CTTNBP2: variants seen among roughly 807,000 people sequenced by gnomAD.
CTTNBP2 encodes the protein cortactin binding protein 2.
In CTTNBP2, 108 loss-of-function variants were observed where a neutral mutation model predicts 156.9. The ratio of observed to expected loss-of-function variants is 0.69; its 90% CI spans 0.59 to 0.81. The LOEUF (loss-of-function observed/expected upper bound fraction) is 0.81, where lower values mean the gene tolerates loss of function less well. Ranked by LOEUF, CTTNBP2 falls within the 30% of genes least tolerant of loss-of-function variation. The probability of loss-of-function intolerance (pLI) is 0.00; values close to 1 mark genes in which losing one functional copy is unlikely to be tolerated. For missense variants in CTTNBP2, 1,924 were observed against 2,035.4 expected, an observed-to-expected ratio of 0.95 and a Z score of 1.05; for synonymous variants, 767 against 751.8, an observed-to-expected ratio of 1.02 and a Z score of -0.33.
chr7:117,794,073 G>T (rs2116876543), intron 3 of CTTNBP2, among the ~76,000 whole-genome samples: 2 of 152,326 alleles, frequency 1.3e-5, no homozygotes, highest in Middle Eastern at 3.4e-3. Context: ...ACAGTGGCTG[G>T]CACACAGTGG....
At chr7:117,836,121 G>A (rs894372925) in intron 2 of CTTNBP2, among the ~76,000 whole-genome samples, 12 of 152,120 alleles carry the variant, frequency 7.9e-5, no homozygotes, top group Non-Finnish European at 1.6e-4. Flanking sequence ...GACTGGACAG[G>A]GGAGGCTTCA....
At position 117,784,265 on chromosome 7, in the gene CTTNBP2, T is replaced by C; in HGVS notation, c.2258A>G (p.Lys753Arg). 6.2e-7 allele frequency: 1 copy of C among 1,609,150 alleles called. No individual in the cohort carries two copies. The highest frequency in any genetic ancestry group is 8.5e-7 in the Non-Finnish European group (1 of 1,178,402). Residue 753 changes from lysine (K) to arginine (R), a missense_variant, in exon 5 of 23, where the codon AAG becomes AGG. Physicochemically the swap from Lys to Arg is conservative, Grantham distance 26 (BLOSUM62 2). Transcript: ENST00000160373. ...GCCATATTTACCTGTATGTCCATTC[T>C]TAGCAGCAGAATACAAGGCAGAATG... ...DGHSALYSAA[K>R]NGHTDCVRLL...
At chr7:117,867,152 C>G (rs996715917) in intron 1 of CTTNBP2, among the ~76,000 whole-genome samples, 1 of 152,210 alleles carries the variant, frequency 6.6e-6, no homozygotes, top group Non-Finnish European at 1.5e-5. Context: ...ATTTTCAAAT[C>G]TCTGAAGTTA....
At position 117,735,426 on chromosome 7, in the gene CTTNBP2, A is replaced by C; in HGVS notation, c.3536-5T>G. ...GTTTCACTGGGATCAGACAAGCTAT[A>C]ATAAAAAAGGAAATTCAGTGATTCA... On this transcript the variant is annotated splice_polypyrimidine_tract_variant and splice_region_variant and intron_variant, in intron 14 of 22. Coordinates refer to ENST00000160373, the MANE Select transcript of CTTNBP2 (RefSeq NM_033427.3). 6.3e-7 allele frequency: 1 copy of C among 1,586,900 alleles called. No individual in the cohort carries two copies. The highest frequency in any genetic ancestry group is 8.5e-7 in the Non-Finnish European group (1 of 1,172,720).
chr7:117,804,287 T>C (rs1343382774), intron 3 of CTTNBP2, among the ~76,000 whole-genome samples: 1 of 152,154 alleles, frequency 6.6e-6, no homozygotes. Flanking sequence ...TTTTAATAAA[T>C]GTTATGAGCC....
At position 117,782,965 on chromosome 7, in the gene CTTNBP2, T is replaced by C; in HGVS notation, c.2273-4A>G. 6.2e-7 allele frequency: 1 copy of C among 1,606,534 alleles called. No homozygotes were observed. The highest frequency in any genetic ancestry group is 1.7e-4 in the Middle Eastern group (1 of 6,026). On this transcript the variant is annotated splice_region_variant and splice_polypyrimidine_tract_variant and intron_variant, in intron 5 of 22. Coordinates refer to ENST00000160373, the MANE Select transcript of CTTNBP2 (RefSeq NM_033427.3). ...CTCAGCAGCAATCTCACACAGTCTA[T>C]GGATTTTAATAGAAAGCCATGTAAA...
At chr7:117,762,012 T>A (rs1334088192) in intron 9 of CTTNBP2, among the ~76,000 whole-genome samples, 1 of 152,206 alleles carries the variant, frequency 6.6e-6, no homozygotes, top group Non-Finnish European at 1.5e-5. Flanking sequence ...GATCTCTCTT[T>A]GCTCCTTGAT....
At chr7:117,813,487 G>T (rs1800404985) in intron 2 of CTTNBP2, among the ~76,000 whole-genome samples, 1 of 152,028 alleles carries the variant, frequency 6.6e-6, no homozygotes, top group Non-Finnish European at 1.5e-5. Context: ...TGACAACTGA[G>T]GTCCCATGTT....
At chr7:117,737,554 T>C (rs1795772957) in intron 14 of CTTNBP2, among the ~76,000 whole-genome samples, 1 of 152,172 alleles carries the variant, frequency 6.6e-6, no homozygotes, top group Admixed American at 6.5e-5. Flanking sequence ...AAGTGACTCA[T>C]TCTAACTGGG....
Position 117,791,555 on chromosome 7 carries a change from T to C in CTTNBP2, c.1641A>G (p.Pro547=), listed in dbSNP as rs780354666. 3.7e-5 allele frequency: 60 copies of C among 1,614,104 alleles called. No individual in the cohort carries two copies. The highest frequency in any genetic ancestry group is 2.6e-4 in the South Asian group (24 of 91,072). ...VDRGNPPPIP[P]KKPGLSQTPS... ...GAGTTTGGGAGAGCCCTGGCTTTTT[T>C]GGAGGGATAGGAGGAGGATTTCCTC... Residue 547 remains proline (P), a synonymous_variant, in exon 4 of 23, where the codon CCA becomes CCG. Coordinates refer to ENST00000160373, the MANE Select transcript of CTTNBP2 (RefSeq NM_033427.3).
intron 3 of CTTNBP2, among the ~76,000 whole-genome samples, chr7:117,800,269 C>G (rs1799538752): frequency 6.6e-6 from 1 of 151,972 alleles, no homozygotes; most frequent in Non-Finnish European, 1.5e-5. Flanking sequence ...CATCGTTTAC[C>G]TAAAATTCTA....
intron 5 of CTTNBP2, among the ~76,000 whole-genome samples, chr7:117,783,951 T>C (rs1014333320): frequency 2.6e-5 from 4 of 152,146 alleles, no homozygotes; most frequent in Non-Finnish European, 5.9e-5. Context: ...AAAGTTCTGA[T>C]AATTAGACTT....
intron 6 of CTTNBP2, among the ~76,000 whole-genome samples, chr7:117,781,369 T>C (rs1798424725): frequency 6.6e-6 from 1 of 152,250 alleles, no homozygotes; most frequent in African/African-American, 2.4e-5. Context: ...TTCCTAATTT[T>C]CCCTTGCAGT....
At chr7:117,768,546 A>C (rs1192858877) in intron 8 of CTTNBP2, among the ~76,000 whole-genome samples, 1 of 147,990 alleles carries the variant, frequency 6.8e-6, no homozygotes, top group East Asian at 2.0e-4. Flanking sequence ...AGCCTGGGTG[A>C]CAAAGCAAGA....
chr7:117,791,226 A>G lies in CTTNBP2; in HGVS notation c.1970T>C (p.Val657Ala), dbSNP rs1184447135. ...GCAAAAGGCAATGGTGGTAGGAATG[A>G]CAAGGGAACTGTCTGAACATGCAGG... ...NQPACSDSSLVIPTTIAFCSS... is the reference protein window; with the variant it reads ...NQPACSDSSLAIPTTIAFCSS... The change falls in exon 4 of 23, where the codon GTC becomes GCC. Residue 657 changes from valine to alanine, a missense_variant. By Grantham distance (64) the Val-to-Ala change is moderately conservative. Transcript: ENST00000160373. 1.2e-6 allele frequency: 2 copies of G among 1,614,026 alleles called. No individual in the cohort carries two copies. Among genetic ancestry groups the G allele is most frequent in the Non-Finnish European group, 1.7e-6 (2 of 1,180,020 alleles).
rs1396934019 is a variant in CTTNBP2, at chr7:117,782,998, T to C, written c.2273-37A>G. ...AATAGAAAGCCATGTAAATTCCCCA[T>C]TTGGAGTTATGATGTGCCAAATTCT... On this transcript the variant is annotated intron_variant, in intron 5 of 22. Coordinates refer to ENST00000160373, the MANE Select transcript of CTTNBP2 (RefSeq NM_033427.3). 2.6e-6 allele frequency: 4 copies of C among 1,527,214 alleles called. No homozygotes were observed. The East Asian group carries it at 9.0e-5, about 34-fold the overall frequency. 94.6% of individuals were successfully genotyped at this position (1,527,214 alleles called of 1,614,324 possible). A position where few individuals can be genotyped will look rare whatever the true frequency, so the allele number is the denominator to read the frequency against.
chr7:117,729,416 T>C (rs536824973), intron 16 of CTTNBP2, among the ~76,000 whole-genome samples: 33 of 152,360 alleles, frequency 2.2e-4, no homozygotes, highest in African/African-American at 7.5e-4. Context: ...CACATGTTTT[T>C]ATTTCCTTCC....
chr7:117,817,927 C>T (rs1208472320), intron 2 of CTTNBP2, among the ~76,000 whole-genome samples: 3 of 152,070 alleles, frequency 2.0e-5, no homozygotes, highest in Non-Finnish European at 2.9e-5. Context: ...TGATACTCAA[C>T]CCAGGCAAGT....
chr7:117,789,859 T>C (rs370927171), intron 4 of CTTNBP2, among the ~76,000 whole-genome samples: 149 of 152,286 alleles, frequency 9.8e-4, no homozygotes, highest in African/African-American at 3.4e-3. Flanking sequence ...GATTTCAACA[T>C]AGATCTAACT....
Sources: gnomAD v4.1 joint callset for allele counts (sites outside exome capture counted in the v4.1 genomes callset) on GRCh38, gnomAD v4.1.1 for gene constraint, MANE v1.5 for transcripts, NCBI Gene and HGNC (gene_info 2026-07-23, HGNC 2026-07-21) for gene names.